The following TP53AIP1 variants were observed in gnomAD, a reference collection of about 807,000 sequenced individuals.
TP53AIP1 encodes tumor protein p53 regulated apoptosis inducing protein 1.
In TP53AIP1, 14 loss-of-function variants were observed where a neutral mutation model predicts 9.5. The observed-to-expected ratio is 1.47, with a 90% CI of 0.97 to 2.30. The LOEUF (loss-of-function observed/expected upper bound fraction) is 2.30, where lower values mean the gene tolerates loss of function less well. TP53AIP1 is among the 30% of genes most tolerant of loss of function. The pLI is 0.00. For missense variants in TP53AIP1, 153 were observed against 146.7 expected, an observed-to-expected ratio of 1.04 and a Z score of -0.22; for synonymous variants, 73 against 61.2, an observed-to-expected ratio of 1.19 and a Z score of -0.90.
At position 128,935,427 on chromosome 11, in the gene TP53AIP1, C is replaced by T; in HGVS notation, c.*164G>A. 1.4e-6 allele frequency: 2 copies of T among 1,417,104 alleles called. No homozygotes were observed. The highest frequency in any genetic ancestry group is 1.8e-6 in the Non-Finnish European group (2 of 1,092,360). The allele number at this position is 1,417,104 out of a possible 1,614,324, so 87.8% of individuals were successfully genotyped here. A position where few individuals can be genotyped will look rare whatever the true frequency, so the allele number is the denominator to read the frequency against. On this transcript the variant is annotated 3_prime_UTR_variant, in exon 4 of 4. Coordinates refer to ENST00000531399, the MANE Select transcript of TP53AIP1 (RefSeq NM_022112.3). ...TACAGAAGGATGCAAAATGAGGCAA[C>T]CTAGCCACCCAACTGGCCCAGTGGT...
chr11:128,937,627 C>T lies in TP53AIP1; in HGVS notation c.141+51G>A, dbSNP rs779018599. 8 of 1,614,108 alleles carry T rather than the reference C, an allele frequency of 5.0e-6. No homozygotes were observed. The highest frequency in any genetic ancestry group is 2.2e-5 in the East Asian group (1 of 44,886). On this transcript the variant is annotated intron_variant, in intron 2 of 3. Transcript: ENST00000531399. This position sits in a 1 kb window ranked among gnomAD's most constrained non-coding sequence, Gnocchi z 4.8. ...CACCACGGTGAGAGCAGAGTCTGCC[C>T]GGGGCTGTGGCAGGCAAAAGACCGT... is the stretch of plus-strand genomic sequence containing the variant.
chr11:128,936,264 C>G (rs866782891), intron 3 of TP53AIP1: 2 of 1,190,894 alleles, frequency 1.7e-6, no homozygotes, highest in Middle Eastern at 3.4e-4. Flanking sequence ...TCCTATGGCC[C>G]ATTCCAGAAA....
intron 3 of TP53AIP1, chr11:128,936,229 T>A (rs372620974): frequency 2.2e-4 from 241 of 1,106,128 alleles, no homozygotes; most frequent in Middle Eastern, 1.6e-3. Context: ...GACTGCTCAT[T>A]CCAAATCTGT....
In TP53AIP1 at chr11:128,939,237, C is replaced by G. The variant is rs888511451; in HGVS notation, c.-76-1343G>C. ...TCCCCATCTGGTTCTGGGGAAGACA[C>G]TCTGCACGCAGCCCCCAGGAGACCA... On this transcript the variant is annotated intron_variant, in intron 1 of 3. Coordinates refer to ENST00000531399, the MANE Select transcript of TP53AIP1 (RefSeq NM_022112.3). The surrounding 1 kb of genome is among the most constrained non-coding windows in gnomAD (Gnocchi z 4.1). Among the ~76,000 whole-genome samples the G allele has an allele frequency of 6.6e-6, 1 of 152,178 alleles. No homozygotes were observed. The highest frequency in any genetic ancestry group is 1.5e-5 in the Non-Finnish European group (1 of 68,032).
In TP53AIP1 at chr11:128,937,446, G is replaced by A. The variant is rs777500243; in HGVS notation, c.141+232C>T. Reference sequence around the variant, plus strand: ...GCCTCCTAGAAACCCAGGATTCCGAGGAGGAGGAGGGCTGGCCTTCCTCTT... The same window carrying A: ...GCCTCCTAGAAACCCAGGATTCCGAAGAGGAGGAGGGCTGGCCTTCCTCTT... On this transcript the variant is annotated intron_variant, in intron 2 of 3. Transcript: ENST00000531399. This position sits in a 1 kb window ranked among gnomAD's most constrained non-coding sequence, Gnocchi z 4.8. The A allele has an allele frequency of 3.6e-5, 54 of 1,483,190 alleles. No homozygotes were observed. The highest frequency in any genetic ancestry group is 4.7e-5 in the Non-Finnish European group (52 of 1,116,640). The allele number at this position is 1,483,190 out of a possible 1,614,324, so 91.9% of individuals were successfully genotyped here. A position where few individuals can be genotyped will look rare whatever the true frequency, so the allele number is the denominator to read the frequency against.
chr11:128,939,242 C>A lies in TP53AIP1; in HGVS notation c.-76-1348G>T, dbSNP rs1392341362. 6.6e-6 allele frequency among the ~76,000 whole-genome samples: 1 copy of A among 152,182 alleles called. No individual in the cohort carries two copies. Among genetic ancestry groups the A allele is most frequent in the African/African-American group, 2.4e-5 (1 of 41,432 alleles). Reference sequence around the variant, plus strand: ...ATCTGGTTCTGGGGAAGACACTCTGCACGCAGCCCCCAGGAGACCACAGGC... The same window carrying A: ...ATCTGGTTCTGGGGAAGACACTCTGAACGCAGCCCCCAGGAGACCACAGGC... On this transcript the variant is annotated intron_variant, in intron 1 of 3. Transcript: ENST00000531399. The surrounding 1 kb of genome is among the most constrained non-coding windows in gnomAD (Gnocchi z 4.1).
Position 128,935,591 on chromosome 11 carries a change from T to A in TP53AIP1, c.375A>T (p.Ter125CysextTer37). Reference protein sequence around the residue: ...DQKKAPLRLQ* With the variant: ...DQKKAPLRLQC ...TGGAGTGCAGTGGCGTGATCTCGGC[T>A]CACTGCAACCTCAACGGTGCTTTTT... is the stretch of plus-strand genomic sequence containing the variant. Residue 125 changes from the stop codon to cysteine, a stop_lost, in exon 4 of 4, where the codon TGA (stop) becomes TGT (cysteine). Transcript: ENST00000531399. The A allele has an allele frequency of 1.3e-6, 2 of 1,563,672 alleles. No homozygotes were observed. Among genetic ancestry groups the A allele is most frequent in the Non-Finnish European group, 1.7e-6 (2 of 1,162,156 alleles).
chr11:128,936,282 G>A (rs1189585217), intron 3 of TP53AIP1: 1 of 1,220,964 alleles, frequency 8.2e-7, no homozygotes, highest in East Asian at 4.0e-5. Context: ...AAAGTTCAGT[G>A]GGTGTCAATT....
Position 128,937,044 on chromosome 11 carries a change from C to CT in TP53AIP1, c.142-396dup, listed in dbSNP as rs2136019204. 2.8e-6 allele frequency: 3 copies of CT among 1,052,980 alleles called. No homozygotes were observed. The highest frequency in any genetic ancestry group is 1.1e-6 in the Non-Finnish European group (1 of 872,842). The allele number at this position is 1,052,980 out of a possible 1,614,324, so 65.2% of individuals were successfully genotyped here. A position where few individuals can be genotyped will look rare whatever the true frequency, so the allele number is the denominator to read the frequency against. ...TCCAGGGAGGTGTAGGCGCTCCTGG[C>CT]TCCTGGCAGACTCCTGGCCCAGGCC... On this transcript the variant is annotated intron_variant, in intron 2 of 3. Coordinates refer to ENST00000531399, the MANE Select transcript of TP53AIP1 (RefSeq NM_022112.3). The surrounding 1 kb of genome is among the most constrained non-coding windows in gnomAD (Gnocchi z 4.8).
rs749531222 is a variant in TP53AIP1, at chr11:128,937,693, T to C, written c.126A>G (p.Thr42=). ...SVMPPNGRAQ[T]HTPGWVSDPL... is the part of the protein sequence containing the mutation. ...AGGGACTTACCCAGCCAGGTGTGTGTGTCTGAGCCCTGCCATTCGGAGGCA... is the reference window on the plus strand; with the variant it reads ...AGGGACTTACCCAGCCAGGTGTGTGCGTCTGAGCCCTGCCATTCGGAGGCA... The change falls in exon 2 of 4, where the codon ACA becomes ACG. Residue 42 remains threonine, a synonymous_variant. Coordinates refer to ENST00000531399, the MANE Select transcript of TP53AIP1 (RefSeq NM_022112.3). This position sits in a 1 kb window ranked among gnomAD's most constrained non-coding sequence, Gnocchi z 4.8. The C allele has an allele frequency of 1.9e-6, 3 of 1,614,014 alleles. No homozygotes were observed. The highest frequency in any genetic ancestry group is 1.7e-5 in the Admixed American group (1 of 60,010).
Position 128,935,612 on chromosome 11 carries a change from T to C in TP53AIP1, c.354A>G (p.Lys118=). Residue 118 remains lysine (K), a synonymous_variant, in exon 4 of 4, where the codon AAA becomes AAG. Transcript: ENST00000531399. ...SAFELSYDQK[K]APLRLQ is the part of the protein sequence containing the mutation. ...CGGCTCACTGCAACCTCAACGGTGC[T>C]TTTTTCTGATCATAGCTGAGCTCAA... is the stretch of plus-strand genomic sequence containing the variant. 1.3e-6 allele frequency: 2 copies of C among 1,579,266 alleles called. No homozygotes were observed. Among genetic ancestry groups the C allele is most frequent in the Non-Finnish European group, 1.7e-6 (2 of 1,170,380 alleles).
At chr11:128,934,737 T>A (rs1944776365), downstream of TP53AIP1, 2 of 409,496 alleles carry the variant, frequency 4.9e-6, no homozygotes, top group Non-Finnish European at 8.9e-6. Flanking sequence ...AGGCCCTGAG[T>A]GCACATCATT....
chr11:128,940,072 C>A (rs1250303938), intron 1 of TP53AIP1, among the ~76,000 whole-genome samples: 1 of 152,176 alleles, frequency 6.6e-6, no homozygotes, highest in Non-Finnish European at 1.5e-5. Context: ...ACACAGGGCC[C>A]TGGGCAGCTA....
intron 1 of TP53AIP1, among the ~76,000 whole-genome samples, chr11:128,942,565 T>C (rs1490723376): frequency 2.0e-5 from 3 of 152,168 alleles, no homozygotes; most frequent in Non-Finnish European, 4.4e-5. Flanking sequence ...AGTGTGTGTT[T>C]TCGTAAGTCC....
At chr11:128,941,123 G>A (rs1322514480) in intron 1 of TP53AIP1, among the ~76,000 whole-genome samples, 1 of 152,178 alleles carries the variant, frequency 6.6e-6, no homozygotes, top group Admixed American at 6.5e-5. Context: ...TTGGCCCAAG[G>A]GGGCCGTGTT....
chr11:128,938,745 CA>C (rs1283665117), intron 1 of TP53AIP1, among the ~76,000 whole-genome samples: 10 of 152,186 alleles, frequency 6.6e-5, no homozygotes, highest in African/African-American at 2.2e-4. Flanking sequence ...CCATGACCTC[CA>C]GGGGCAGCTC....
At chr11:128,941,196 C>G (rs954488204) in intron 1 of TP53AIP1, among the ~76,000 whole-genome samples, 1 of 152,182 alleles carries the variant, frequency 6.6e-6, no homozygotes, top group African/African-American at 2.4e-5. Context: ...TTCCCTCTGC[C>G]GAACAGCTCC....
downstream of TP53AIP1, chr11:128,935,192 A>ATCAAACCCGCACTTC: frequency 8.5e-7 from 1 of 1,177,070 alleles, no homozygotes; most frequent in Non-Finnish European, 1.2e-6. Context: ...GCTATAGATG[A>ATCAAACCCGCACTTC]TCAAACCCGC....
chr11:128,936,939 C>T (rs753756864), intron 2 of TP53AIP1: 82 of 1,179,052 alleles, frequency 7.0e-5, no homozygotes, highest in East Asian at 1.0e-4. Flanking sequence ...CACCACAGCT[C>T]GGGGCTTTGT....
Sources: gnomAD v4.1 joint callset for allele counts (sites outside exome capture counted in the v4.1 genomes callset) on GRCh38, gnomAD v4.1.1 for gene constraint, Gnocchi (gnomAD v3.1) non-coding constraint, MANE v1.5 for transcripts, NCBI Gene and HGNC (gene_info 2026-07-23, HGNC 2026-07-21) for gene names.